Variants in POT1 observed in about 807,000 individuals in gnomAD.
POT1 encodes the protein protection of telomeres 1, also known as protection of telomeres protein 1.
POT1 carries 47 observed loss-of-function variants against 78.5 expected under a neutral mutation model. That is an observed-to-expected ratio of 0.60 (90% CI 0.47 to 0.76). The LOEUF is 0.76. POT1 is among the 30% of genes least tolerant of loss of function. The pLI is 0.00. For missense variants in POT1, 646 were observed against 749.9 expected (o/e 0.86, Z 1.62); for synonymous variants, 259 against 260.7 (o/e 0.99, Z 0.06).
rs543350821 is a variant in POT1 at position 124,822,443 on chromosome 7, C to T, written c.*1519G>A. 189 of 381,648 alleles carry T rather than the reference C, an allele frequency of 5.0e-4. No individual in the cohort carries two copies. Among genetic ancestry groups the T allele is most frequent in the African/African-American group, 3.6e-3 (175 of 48,638 alleles). 23.6% of individuals were successfully genotyped at this position (381,648 alleles called of 1,614,324 possible). A position where few individuals can be genotyped will look rare whatever the true frequency, so the allele number is the denominator to read the frequency against. ...AATAAGAAGAGACATGGCCTATCATCATGAAGATTCATAGGAAGAGTTTTC... is the reference window on the plus strand; with the variant it reads ...AATAAGAAGAGACATGGCCTATCATTATGAAGATTCATAGGAAGAGTTTTC... On this transcript the variant is annotated 3_prime_UTR_variant, in exon 19 of 19. Transcript: ENST00000357628.
intron 6 of POT1, among the ~76,000 whole-genome samples, chr7:124,872,849 C>T (rs1447048185): frequency 1.3e-5 from 2 of 152,228 alleles, no homozygotes; most frequent in East Asian, 3.8e-4. Context: ...CTTTTCTTCA[C>T]ACCCTCTCGA....
chr7:124,853,780 G>A (rs1421177753), intron 9 of POT1, among the ~76,000 whole-genome samples: 1 of 152,028 alleles, frequency 6.6e-6, no homozygotes, highest in Non-Finnish European at 1.5e-5. Context: ...AATCTCAGAT[G>A]TTTTGCTAAA....
chr7:124,896,519 A>C (rs1796495426), intron 5 of POT1, among the ~76,000 whole-genome samples: 1 of 151,682 alleles, frequency 6.6e-6, no homozygotes, highest in African/African-American at 2.4e-5. Context: ...ACAGTTCCTG[A>C]ATTCTGTCCA....
intron 2 of POT1, among the ~76,000 whole-genome samples, chr7:124,921,306 T>C (rs972859554): frequency 1.3e-5 from 2 of 152,090 alleles, no homozygotes; most frequent in African/African-American, 2.4e-5. Flanking sequence ...ATCATAGCAC[T>C]TTATTAATAA....
In POT1 at chr7:124,897,213, C is replaced by T; in HGVS notation, c.-39-1G>A. ...AATCTCTTAAAGATTTGACATAAACCTGAAGGAAAAAAAGAAAGAACTTAT... is the reference window on the plus strand; with the variant it reads ...AATCTCTTAAAGATTTGACATAAACTTGAAGGAAAAAAAGAAAGAACTTAT... On this transcript the variant is annotated splice_acceptor_variant, in intron 4 of 18. Coordinates refer to ENST00000357628, the MANE Select transcript of POT1 (RefSeq NM_015450.3). LOFTEE classifies it low-confidence loss of function (5UTR_SPLICE). 1 of 1,379,922 alleles carries T rather than the reference C, an allele frequency of 7.2e-7. No homozygotes were observed. Among genetic ancestry groups the T allele is most frequent in the South Asian group, 1.3e-5 (1 of 77,430 alleles). 85.5% of individuals were successfully genotyped at this position (1,379,922 alleles called of 1,614,324 possible). A position where few individuals can be genotyped will look rare whatever the true frequency, so the allele number is the denominator to read the frequency against.
chr7:124,910,343 A>C (rs1796861188), intron 3 of POT1, among the ~76,000 whole-genome samples: 1 of 152,020 alleles, frequency 6.6e-6, no homozygotes, highest in South Asian at 2.1e-4. Context: ...GTGTGGAGAT[A>C]GAGCGGTTTC....
intron 15 of POT1, among the ~76,000 whole-genome samples, chr7:124,832,317 T>C (rs1032334208): frequency 1.3e-5 from 2 of 149,428 alleles, no homozygotes; most frequent in Non-Finnish European, 3.0e-5. Flanking sequence ...TAAATCTAAA[T>C]GGTGGATACG....
intron 6 of POT1, among the ~76,000 whole-genome samples, chr7:124,885,550 A>G (rs1165005752): frequency 1.3e-5 from 2 of 152,024 alleles, no homozygotes; most frequent in Non-Finnish European, 2.9e-5. Context: ...GTGGATCATG[A>G]GGTCAGGAGA....
chr7:124,827,430 A>G (rs1213997947), intron 16 of POT1, 125 bp from the exon 17 acceptor site: 1 of 460,378 alleles, frequency 2.2e-6, no homozygotes, highest in Non-Finnish European at 3.7e-6. Flanking sequence ...TCAAGATACA[A>G]AGAAAAACTT....
At chr7:124,917,619 G>A (rs900475781) in intron 2 of POT1, among the ~76,000 whole-genome samples, 2 of 152,080 alleles carry the variant, frequency 1.3e-5, no homozygotes, top group African/African-American at 4.8e-5. Context: ...AAGAAAAAAC[G>A]CAAAGCAATC....
At chr7:124,848,931 G>C (rs965098139) in intron 11 of POT1, among the ~76,000 whole-genome samples, 2 of 152,016 alleles carry the variant, frequency 1.3e-5, no homozygotes, top group Non-Finnish European at 2.9e-5. Context: ...ACTCTAACAA[G>C]AAAGCAAAAG....
chr7:124,859,138 T>C (rs1429957589), intron 8 of POT1, 26 bp from the exon 9 acceptor site: 17 of 1,452,812 alleles, frequency 1.2e-5, no homozygotes, highest in Non-Finnish European at 1.6e-5. Flanking sequence ...AGAGTAGTTT[T>C]ATGATCCTTT....
chr7:124,831,824 A>G (rs1029139390), intron 15 of POT1, among the ~76,000 whole-genome samples: 1 of 152,010 alleles, frequency 6.6e-6, no homozygotes, highest in Non-Finnish European at 1.5e-5. Flanking sequence ...AAATTTAAAA[A>G]ATGAAAAATA....
intron 2 of POT1, among the ~76,000 whole-genome samples, chr7:124,922,474 G>A (rs934135694): frequency 6.6e-6 from 1 of 151,926 alleles, no homozygotes; most frequent in Non-Finnish European, 1.5e-5. Flanking sequence ...ACAGGGGAGT[G>A]AGTAAATGGA....
At chr7:124,893,817 C>A (rs1796430119) in intron 5 of POT1, among the ~76,000 whole-genome samples, 1 of 151,558 alleles carries the variant, frequency 6.6e-6, no homozygotes, top group South Asian at 2.1e-4. Context: ...AATAAAATTA[C>A]TGCCTTAAAG....
At position 124,928,971 on chromosome 7, in the gene POT1, A is replaced by G. The variant is rs534247360; in HGVS notation, c.-383T>C. 27 of 152,744 alleles carry G rather than the reference A, an allele frequency of 1.8e-4. No individual in the cohort carries two copies. The highest frequency in any genetic ancestry group is 6.3e-4 in the African/African-American group (26 of 41,574). The allele number at this position is 152,744 out of a possible 1,614,324, so 9.5% of individuals were successfully genotyped here. ...TGCTTCACACTGATGTCCAAAGCAAATTCAACTAGGGAATCTGACAACTTG... is the reference window on the plus strand; with the variant it reads ...TGCTTCACACTGATGTCCAAAGCAAGTTCAACTAGGGAATCTGACAACTTG... On this transcript the variant is annotated 5_prime_UTR_variant, in exon 2 of 19. Coordinates refer to ENST00000357628, the MANE Select transcript of POT1 (RefSeq NM_015450.3).
intron 9 of POT1, among the ~76,000 whole-genome samples, chr7:124,856,569 G>A (rs1795451722): frequency 6.6e-6 from 1 of 152,144 alleles, no homozygotes; most frequent in African/African-American, 2.4e-5. Context: ...TTCAGCAGCA[G>A]CTATTACTTA....
chr7:124,886,589 T>C (rs1165234639), intron 6 of POT1, among the ~76,000 whole-genome samples: 1 of 152,140 alleles, frequency 6.6e-6, no homozygotes, highest in Admixed American at 6.6e-5. Context: ...TCAGATAAAA[T>C]TGATGACATT....
chr7:124,903,817 A>G (rs550531750), intron 3 of POT1, among the ~76,000 whole-genome samples: 34 of 152,324 alleles, frequency 2.2e-4, no homozygotes, highest in African/African-American at 7.9e-4. Flanking sequence ...CAAATGCAAT[A>G]AAAAATGATA....
Sources: allele counts gnomAD v4.1 joint callset (sites outside exome capture counted in the v4.1 genomes callset), GRCh38; gene constraint gnomAD v4.1.1; transcripts MANE v1.5; gene names NCBI Gene and HGNC (gene_info 2026-07-23, HGNC 2026-07-21).